The following XPR1 variants were observed in gnomAD, a reference collection of about 807,000 sequenced individuals.
XPR1 encodes the protein xenotropic and polytropic retrovirus receptor 1, also known as solute carrier family 53 member 1.
A neutral mutation model predicts 87.5 loss-of-function variants in XPR1; 28 were observed. The observed-to-expected ratio is 0.32, with a 90% confidence interval of 0.24 to 0.44. XPR1 has a LOEUF of 0.44. XPR1 is among the 20% of genes least tolerant of loss of function. The pLI, the probability that XPR1 is intolerant of heterozygous loss-of-function variation, is 1.00. For synonymous variants in XPR1, 300 were observed against 306.1 expected (o/e 0.98, Z 0.21); for missense variants, 559 against 862.3 (o/e 0.65, Z 4.41).
rs201330656 is a variant in XPR1, at chr1:180,825,370, T to G, written c.1134+26T>G. On this transcript the variant is annotated intron_variant, in intron 9 of 14. Transcript: ENST00000367590. ...GTAAGTCCAGAAACTTGTGTACCACTTTTAGAGTGGCATATTGGTTATTGA... is the reference window on the plus strand; with the variant it reads ...GTAAGTCCAGAAACTTGTGTACCACGTTTAGAGTGGCATATTGGTTATTGA... 4.6e-4 allele frequency: 727 copies of G among 1,595,482 alleles called. 5 individuals are homozygous for G. The highest frequency in any genetic ancestry group is 1.8e-4 in the Non-Finnish European group (210 of 1,172,122).
chr1:180,675,735 T>C (rs1428464112), intron 1 of XPR1, among the ~76,000 whole-genome samples: 1 of 152,194 alleles, frequency 6.6e-6, no homozygotes, highest in Non-Finnish European at 1.5e-5. Context: ...TTTAATTTGT[T>C]GTTTTGTGAC....
At chr1:180,788,390 T>C (rs1260480401) in intron 3 of XPR1, among the ~76,000 whole-genome samples, 1 of 152,226 alleles carries the variant, frequency 6.6e-6, no homozygotes, top group Admixed American at 6.5e-5. Flanking sequence ...GTACATAATA[T>C]ACATTAGTAA....
chr1:180,723,731 TC>T (rs1435179382), intron 2 of XPR1, among the ~76,000 whole-genome samples: 1 of 152,188 alleles, frequency 6.6e-6, no homozygotes, highest in Non-Finnish European at 1.5e-5. Context: ...TCCAGAGCCA[TC>T]TTAATTTTAA....
intron 3 of XPR1, among the ~76,000 whole-genome samples, chr1:180,791,260 A>G (rs1229545664): frequency 6.6e-6 from 1 of 152,062 alleles, no homozygotes; most frequent in African/African-American, 2.4e-5. Flanking sequence ...TTGGTAGTAG[A>G]TACTTTGTTT....
intron 2 of XPR1, among the ~76,000 whole-genome samples, chr1:180,769,375 T>A (rs1648412602): frequency 4.0e-5 from 6 of 151,630 alleles, no homozygotes; most frequent in Admixed American, 3.9e-4. Flanking sequence ...TTTTTGTGTT[T>A]TTTTTTTTTG....
At chr1:180,695,787 T>G (rs1432149136) in intron 2 of XPR1, among the ~76,000 whole-genome samples, 1 of 152,178 alleles carries the variant, frequency 6.6e-6, no homozygotes, top group Non-Finnish European at 1.5e-5. Flanking sequence ...TCCAATGGCC[T>G]GTGTGTATGT....
intron 3 of XPR1, among the ~76,000 whole-genome samples, chr1:180,795,435 T>G (rs1649533014): frequency 6.6e-6 from 1 of 152,194 alleles, no homozygotes; most frequent in Non-Finnish European, 1.5e-5. Context: ...TTTGTTCTCA[T>G]ATTCAGGTCA....
At chr1:180,811,363 T>C (rs1407841717) in intron 6 of XPR1, 44 bp from the exon 7 acceptor site, 1 of 1,445,854 alleles carries the variant, frequency 6.9e-7, no homozygotes, top group Non-Finnish European at 9.7e-7. Flanking sequence ...GTAAATACAA[T>C]CAGTGTTTTG....
At chr1:180,856,540 T>C (rs1199608757) in intron 11 of XPR1, among the ~76,000 whole-genome samples, 1 of 152,220 alleles carries the variant, frequency 6.6e-6, no homozygotes, top group Non-Finnish European at 1.5e-5. Context: ...GTAAGTACCT[T>C]AAAGTCAACA....
chr1:180,861,017 CTTGA>C (rs1285356170), intron 11 of XPR1, among the ~76,000 whole-genome samples: 1 of 152,038 alleles, frequency 6.6e-6, no homozygotes, highest in Non-Finnish European at 1.5e-5. Context: ...ATAATTTACA[CTTGA>C]TTATTTCTTC....
chr1:180,803,382 T>C lies in XPR1; in HGVS notation c.224-6T>C. 6.2e-7 allele frequency: 1 copy of C among 1,613,082 alleles called. No homozygotes were observed. Among genetic ancestry groups the C allele is most frequent in the Non-Finnish European group, 8.5e-7 (1 of 1,179,646 alleles). On this transcript the variant is annotated splice_region_variant and splice_polypyrimidine_tract_variant and intron_variant, in intron 3 of 14. Transcript: ENST00000367590. ...TGATTTGACAGTTCCGTTCTATTTC[T>C]TATAGAGAAGCTCGCAGAGGCTCAG...
At chr1:180,839,350 C>A (rs145400401) in intron 11 of XPR1, among the ~76,000 whole-genome samples, 1 of 152,024 alleles carries the variant, frequency 6.6e-6, no homozygotes, top group African/African-American at 2.4e-5. Flanking sequence ...AGTAGACCAT[C>A]GTATGATTAT....
At chr1:180,684,282 T>G (rs1017989816) in intron 2 of XPR1, among the ~76,000 whole-genome samples, 1 of 152,354 alleles carries the variant, frequency 6.6e-6, no homozygotes, top group South Asian at 2.1e-4. Context: ...GTTGTAGATA[T>G]GCGGCATTAT....
chr1:180,656,032 T>C (rs1217320106), intron 1 of XPR1, among the ~76,000 whole-genome samples: 1 of 151,902 alleles, frequency 6.6e-6, no homozygotes, highest in Admixed American at 6.6e-5. Context: ...CCTGTTGTGT[T>C]ATCAAATACT....
chr1:180,638,274 T>C (rs1224406388), intron 1 of XPR1, among the ~76,000 whole-genome samples: 1 of 152,190 alleles, frequency 6.6e-6, no homozygotes, highest in Non-Finnish European at 1.5e-5. Flanking sequence ...CAGATACAGA[T>C]GGGTATAATT....
chr1:180,674,321 C>A (rs1028184681), intron 1 of XPR1, among the ~76,000 whole-genome samples: 2 of 152,160 alleles, frequency 1.3e-5, no homozygotes, highest in Non-Finnish European at 2.9e-5. Flanking sequence ...TGCAGTGGCA[C>A]GATCTCGGCT....
At position 180,841,509 on chromosome 1, in the gene XPR1, A is replaced by G. The variant is rs956711592; in HGVS notation, c.1501+4793A>G. Reference sequence around the variant, plus strand: ...CCCTTAGACTCTTAACATGCTACGTAAAGGGAATTTATGATAAAATGAAAT... The same window carrying G: ...CCCTTAGACTCTTAACATGCTACGTGAAGGGAATTTATGATAAAATGAAAT... On this transcript the variant is annotated intron_variant, in intron 11 of 14. Transcript: ENST00000367590. 1.1e-4 allele frequency among the ~76,000 whole-genome samples: 16 copies of G among 152,302 alleles called. No individual in the cohort carries two copies. The East Asian group carries it at 3.1e-3, about 29-fold the overall frequency.
intron 2 of XPR1, among the ~76,000 whole-genome samples, chr1:180,736,714 C>T (rs1232874224): frequency 1.3e-5 from 2 of 152,122 alleles, no homozygotes; most frequent in Admixed American, 6.5e-5. Context: ...ATGAAGAACA[C>T]ATAAACACTT....
chr1:180,739,530 C>G (rs1234234111), intron 2 of XPR1, among the ~76,000 whole-genome samples: 1 of 152,162 alleles, frequency 6.6e-6, no homozygotes, highest in Non-Finnish European at 1.5e-5. Context: ...GAATTGACAT[C>G]TTTACTGCAT....
Sources: allele counts gnomAD v4.1 joint callset (sites outside exome capture counted in the v4.1 genomes callset), GRCh38; gene constraint gnomAD v4.1.1; transcripts MANE v1.5; gene names NCBI Gene and HGNC (gene_info 2026-07-23, HGNC 2026-07-21).